The following PPP1R9A variants were observed in gnomAD, a reference collection of about 807,000 sequenced individuals.
PPP1R9A encodes the protein protein phosphatase 1 regulatory subunit 9A.
A neutral mutation model predicts 141.9 loss-of-function variants in PPP1R9A; 59 were observed. The observed-to-expected ratio is 0.42, with a 90% CI of 0.34 to 0.52. PPP1R9A has a LOEUF of 0.52. PPP1R9A is among the 20% of genes least tolerant of loss of function. The pLI, the probability that PPP1R9A is intolerant of heterozygous loss-of-function variation, is 0.10. For synonymous variants in PPP1R9A, 500 were observed against 569.7 expected (o/e 0.88, Z 1.74); for missense variants, 1,444 against 1,611.9 (o/e 0.90, Z 1.78).
intron 2 of PPP1R9A, among the ~76,000 whole-genome samples, chr7:95,109,132 A>G (rs1165607305): frequency 3.9e-5 from 6 of 152,300 alleles, no homozygotes; most frequent in Non-Finnish European, 5.9e-5. Context: ...AGATATGTGT[A>G]TGTGTGTGTA....
chr7:95,079,661 C>G (rs564607247), intron 2 of PPP1R9A, among the ~76,000 whole-genome samples: 18 of 152,220 alleles, frequency 1.2e-4, no homozygotes, highest in African/African-American at 4.1e-4. Context: ...GACCAATATC[C>G]TTGATGAACA....
intron 2 of PPP1R9A, among the ~76,000 whole-genome samples, chr7:94,934,495 A>AT (rs879922782): frequency 1.2e-3 from 180 of 144,932 alleles, no homozygotes; most frequent in Middle Eastern, 3.5e-3. Flanking sequence ...TTTATAGAAC[A>AT]TTTTTTTTTT....
Position 95,274,174 on chromosome 7 carries a change from G to A in PPP1R9A, c.3296+6G>A, listed in dbSNP as rs1487509021. On this transcript the variant is annotated splice_donor_region_variant and intron_variant, in intron 16 of 19. Coordinates refer to ENST00000433360, the MANE Select transcript of PPP1R9A (RefSeq NM_001166160.2). Reference sequence around the variant, plus strand: ...AGGTTTTCTGCAGGTAGCAGGTACGGTTGTGTGATTAAGAACACGTGTATT... The same window carrying A: ...AGGTTTTCTGCAGGTAGCAGGTACGATTGTGTGATTAAGAACACGTGTATT... 1.3e-6 allele frequency: 2 copies of A among 1,545,260 alleles called. No homozygotes were observed. Among genetic ancestry groups the A allele is most frequent in the Non-Finnish European group, 1.8e-6 (2 of 1,142,014 alleles).
rs1803535378 is a variant in PPP1R9A, at chr7:95,006,033, A to G, written c.1395+94525A>G. 2.0e-5 allele frequency among the ~76,000 whole-genome samples: 3 copies of G among 152,010 alleles called. No homozygotes were observed. In the South Asian group the frequency reaches 6.2e-4, roughly 32 times the overall value. ...TCAATTTTGTAAAAACCTTAGTGGT[A>G]TTTTGATGGTAGGATATTTTTATTA... On this transcript the variant is annotated intron_variant, in intron 2 of 19. Coordinates refer to ENST00000433360, the MANE Select transcript of PPP1R9A (RefSeq NM_001166160.2).
chr7:95,223,334 A>G (rs1405171545), intron 7 of PPP1R9A, among the ~76,000 whole-genome samples: 14 of 152,042 alleles, frequency 9.2e-5, no homozygotes, highest in Admixed American at 9.2e-4. Context: ...TATATGGATG[A>G]CAAAGTGCAG....
intron 5 of PPP1R9A, among the ~76,000 whole-genome samples, chr7:95,176,301 G>C (rs1216081311): frequency 6.6e-6 from 1 of 152,024 alleles, no homozygotes; most frequent in East Asian, 1.9e-4. Flanking sequence ...CACAGGAAAA[G>C]GGGGAGAGTA....
At chr7:95,260,970 G>A (rs2153031307) in intron 12 of PPP1R9A, among the ~76,000 whole-genome samples, 1 of 152,042 alleles carries the variant, frequency 6.6e-6, no homozygotes, top group East Asian at 1.9e-4. Flanking sequence ...TACATATTAT[G>A]GTCTGGTTCA....
intron 2 of PPP1R9A, among the ~76,000 whole-genome samples, chr7:94,965,100 C>T (rs1798058897): frequency 6.6e-6 from 1 of 151,734 alleles, no homozygotes; most frequent in East Asian, 1.9e-4. Flanking sequence ...TGTTTGTTGG[C>T]TGCAAAAATA....
chr7:95,145,471 G>A (rs1041263405), intron 4 of PPP1R9A, among the ~76,000 whole-genome samples: 5 of 152,124 alleles, frequency 3.3e-5, no homozygotes, highest in African/African-American at 7.2e-5. Context: ...GAAGACAAAC[G>A]TTGGAAGAAA....
intron 8 of PPP1R9A, among the ~76,000 whole-genome samples, chr7:95,229,319 A>G (rs1285785383): frequency 6.6e-6 from 1 of 152,012 alleles, no homozygotes; most frequent in East Asian, 1.9e-4. Flanking sequence ...ATGCCAAAAA[A>G]GTGTGAGTCT....
chr7:94,954,021 C>T (rs574010686), intron 2 of PPP1R9A, among the ~76,000 whole-genome samples: 28 of 152,260 alleles, frequency 1.8e-4, no homozygotes, highest in Non-Finnish European at 3.2e-4. Context: ...TGAGAGAGGG[C>T]ATCCTTGTCT....
intron 2 of PPP1R9A, among the ~76,000 whole-genome samples, chr7:95,080,322 G>A (rs1815600105): frequency 1.3e-5 from 2 of 151,394 alleles, no homozygotes; most frequent in South Asian, 4.2e-4. Flanking sequence ...CAAATCATGA[G>A]TGAACTCCCA....
chr7:95,052,368 G>A (rs1262020728), intron 2 of PPP1R9A, among the ~76,000 whole-genome samples: 1 of 152,152 alleles, frequency 6.6e-6, no homozygotes, highest in Non-Finnish European at 1.5e-5. Context: ...GTGATAGAGG[G>A]AATGGAGAAA....
At chr7:95,039,582 G>A (rs1808929343) in intron 2 of PPP1R9A, among the ~76,000 whole-genome samples, 1 of 151,832 alleles carries the variant, frequency 6.6e-6, no homozygotes, top group Admixed American at 6.6e-5. Flanking sequence ...GTATTAAAAG[G>A]AAATGCTATA....
At chr7:95,187,773 C>A (rs1834860088) in intron 5 of PPP1R9A, among the ~76,000 whole-genome samples, 1 of 152,130 alleles carries the variant, frequency 6.6e-6, no homozygotes, top group Non-Finnish European at 1.5e-5. Context: ...AAAGATCATT[C>A]AGGACCAGAT....
chr7:94,932,115 T>G (rs1478298369), intron 2 of PPP1R9A, among the ~76,000 whole-genome samples: 1 of 152,188 alleles, frequency 6.6e-6, no homozygotes, highest in Non-Finnish European at 1.5e-5. Flanking sequence ...AATTGGCAAG[T>G]GGTTGTGATT....
chr7:94,909,248 A>C (rs1791176142), intron 1 of PPP1R9A, among the ~76,000 whole-genome samples: 1 of 152,128 alleles, frequency 6.6e-6, no homozygotes. Context: ...AATAATAACC[A>C]CTGTTAGGAA....
intron 3 of PPP1R9A, among the ~76,000 whole-genome samples, chr7:95,116,331 C>CT (rs1240382707): frequency 6.6e-6 from 1 of 152,036 alleles, no homozygotes; most frequent in Non-Finnish European, 1.5e-5. Flanking sequence ...ATATCCATAT[C>CT]TATCTAGAAA....
chr7:95,051,079 A>C (rs1169423005), intron 2 of PPP1R9A, among the ~76,000 whole-genome samples: 6 of 151,800 alleles, frequency 4.0e-5, no homozygotes, highest in Admixed American at 2.6e-4. Flanking sequence ...GGAGTTTTAT[A>C]GTTTTGCATC....
Sources: allele counts gnomAD v4.1 joint callset (sites outside exome capture counted in the v4.1 genomes callset), GRCh38; gene constraint gnomAD v4.1.1; transcripts MANE v1.5; gene names NCBI Gene and HGNC (gene_info 2026-07-23, HGNC 2026-07-21).